Variants in KIF21B observed in about 807,000 individuals in gnomAD.
KIF21B encodes the protein kinesin family member 21B, also known as kinesin-like protein KIF21B.
Under a neutral mutation model 192.9 loss-of-function variants are expected in KIF21B, and 85 were observed. That is an observed-to-expected ratio of 0.44 (90% CI 0.37 to 0.53). The LOEUF (loss-of-function observed/expected upper bound fraction) is 0.53. Ranked by LOEUF, KIF21B falls within the 20% of genes least tolerant of loss-of-function variation. The probability of loss-of-function intolerance (pLI) is 0.00; values close to 1 mark genes in which losing one functional copy is unlikely to be tolerated. For missense variants in KIF21B, 1,716 were observed against 2,194.8 expected (o/e 0.78, Z 4.36); for synonymous variants, 832 against 884.6 (o/e 0.94, Z 1.05).
Position 200,999,457 on chromosome 1 carries a change from C to T in KIF21B, c.1777G>A (p.Glu593Lys), listed in dbSNP as rs1480060106. 4 of 1,613,840 alleles carry T rather than the reference C, an allele frequency of 2.5e-6. No individual in the cohort carries two copies. The highest frequency in any genetic ancestry group is 3.3e-5 in the Admixed American group (2 of 60,014). The change falls in exon 13 of 35, where the codon GAG becomes AAG. Residue 593 changes from glutamate to lysine, a missense_variant. Around this residue, in one of 3 missense-constraint regions of KIF21B, gnomAD observed 1,087 missense variants for 1,316.6 expected, o/e 0.83. Coordinates refer to ENST00000461742, the MANE Select transcript of KIF21B (RefSeq NM_001252102.2). The surrounding 1 kb of genome is among the most constrained non-coding windows in gnomAD (Gnocchi z 4.7). The part of the protein sequence containing the change: ...DENEAEEEEE[E>K]RDESGCEEEE... ...TCCTCACAGCCACTCTCGTCTCGCT[C>T]TTCCTCCTCCTGGGCACCAGGCACC...
intron 28 of KIF21B, among the ~76,000 whole-genome samples, chr1:200,981,445 C>T (rs555061497): frequency 6.6e-6 from 1 of 152,232 alleles, no homozygotes; most frequent in African/African-American, 2.4e-5. Flanking sequence ...GTGAATGCGC[C>T]CGGGTCCAGC....
chr1:201,004,529 A>G, intron 6 of KIF21B, 74 bp from the exon 7 acceptor site: 1 of 1,283,118 alleles, frequency 7.8e-7, no homozygotes, highest in Non-Finnish European at 1.1e-6. Flanking sequence ...AAAATCCCCA[A>G]CCCATCTGTA....
rs191677238 is a variant in KIF21B at position 200,970,701 on chromosome 1, G to A, written c.*2820C>T. The A allele has an allele frequency of 2.6e-5, 4 of 152,534 alleles. No homozygotes were observed. Among genetic ancestry groups the A allele is most frequent in the African/African-American group, 4.8e-5 (2 of 41,584 alleles). The allele number at this position is 152,534 out of a possible 1,614,324, so 9.4% of individuals were successfully genotyped here. A position where few individuals can be genotyped will look rare whatever the true frequency, so the allele number is the denominator to read the frequency against. Reference sequence around the variant, plus strand: ...GCTTCGAAAGCACAAAGTGGGGCTTGACCCAGGAGACTGGGAATCAGTCCA... The same window carrying A: ...GCTTCGAAAGCACAAAGTGGGGCTTAACCCAGGAGACTGGGAATCAGTCCA... On this transcript the variant is annotated 3_prime_UTR_variant, in exon 35 of 35. Transcript: ENST00000461742.
chr1:200,989,045 AT>A lies in KIF21B; in HGVS notation c.3133-115del. On this transcript the variant is annotated intron_variant, in intron 21 of 34. Coordinates refer to ENST00000461742, the MANE Select transcript of KIF21B (RefSeq NM_001252102.2). ...GGAGTGCTCCTTTCCAGCTCCCAAC[AT>A]CACCCTTGTACCTGGCACAGACCTG... 4 of 1,099,218 alleles carry A rather than the reference AT, an allele frequency of 3.6e-6. No homozygotes were observed. The South Asian group carries it at 4.9e-5, about 13-fold the overall frequency. 68.1% of individuals were successfully genotyped at this position (1,099,218 alleles called of 1,614,324 possible).
chr1:201,007,729 TACACAC>T (rs921104804), intron 3 of KIF21B, among the ~76,000 whole-genome samples: 1 of 123,334 alleles, frequency 8.1e-6, no homozygotes, highest in Non-Finnish European at 1.7e-5. Flanking sequence ...TAGACACACA[TACACAC>T]ACACACATAC....
At chr1:201,006,437 A>C (rs1274752404) in intron 3 of KIF21B, among the ~76,000 whole-genome samples, 1 of 152,208 alleles carries the variant, frequency 6.6e-6, no homozygotes, top group Non-Finnish European at 1.5e-5. Context: ...GGATGGGGGC[A>C]GCTAGGGCAG....
intron 1 of KIF21B, among the ~76,000 whole-genome samples, chr1:201,019,100 A>G (rs908926813): frequency 2.0e-5 from 3 of 151,986 alleles, no homozygotes; most frequent in African/African-American, 7.3e-5. Flanking sequence ...ATGTCCGTCT[A>G]ATTTTTGTAT....
At position 200,979,565 on chromosome 1, in the gene KIF21B, C is replaced by T. The variant is rs756919658; in HGVS notation, c.4130G>A (p.Arg1377Gln). Residue 1377 changes from arginine to glutamine, a missense_variant, in exon 30 of 35, where the codon CGG becomes CAG. Transcript: ENST00000461742. ...AGTCCGAATGCACTTGGCTGAGTCC[C>T]GGATGTCCCACACCTTGATGTAGGA... ...STSYIKVWDI[R>Q]DSAKCIRTLT... 5 of 1,575,310 alleles carry T rather than the reference C, an allele frequency of 3.2e-6. No individual in the cohort carries two copies. In the South Asian group the frequency reaches 4.7e-5, roughly 15 times the overall value.
intron 14 of KIF21B, among the ~76,000 whole-genome samples, chr1:200,997,011 C>G (rs886133738): frequency 3.9e-5 from 6 of 152,174 alleles, no homozygotes; most frequent in Admixed American, 2.0e-4. Context: ...AGCCTTCTGG[C>G]TCAACCTGAA....
intron 21 of KIF21B, among the ~76,000 whole-genome samples, chr1:200,989,700 G>A (rs1656549909): frequency 6.6e-6 from 1 of 152,204 alleles, no homozygotes; most frequent in Non-Finnish European, 1.5e-5. Context: ...TGTGTGCCAG[G>A]TGCCAGGCCA....
In KIF21B at chr1:200,999,544, G is replaced by T; in HGVS notation, c.1768-78C>A. The T allele has an allele frequency of 6.4e-7, 1 of 1,566,806 alleles. No individual in the cohort carries two copies. Among genetic ancestry groups the T allele is most frequent in the Non-Finnish European group, 8.6e-7 (1 of 1,156,866 alleles). On this transcript the variant is annotated intron_variant, in intron 12 of 34. Transcript: ENST00000461742. The surrounding 1 kb of genome is among the most constrained non-coding windows in gnomAD (Gnocchi z 4.7). ...AAGCAGAGGTGCATCCCGACACAAT[G>T]CCTCAGGTGTGTCAGGAGGGTGGGG...
rs541422356 is a variant in KIF21B, at chr1:200,971,137, G to A, written c.*2384C>T. The A allele has an allele frequency of 6.5e-6, 1 of 152,806 alleles. No homozygotes were observed. Among genetic ancestry groups the A allele is most frequent in the African/African-American group, 2.4e-5 (1 of 41,472 alleles). 9.5% of individuals were successfully genotyped at this position (152,806 alleles called of 1,614,324 possible). A position where few individuals can be genotyped will look rare whatever the true frequency, so the allele number is the denominator to read the frequency against. ...GTGCAGTGAGTGGAGCTGGGGGCCT[G>A]CCCCCTAACATGGACCTTGGACATC... On this transcript the variant is annotated 3_prime_UTR_variant, in exon 35 of 35. Coordinates refer to ENST00000461742, the MANE Select transcript of KIF21B (RefSeq NM_001252102.2).
rs1442726834 is a variant in KIF21B, at chr1:201,004,458, G to A, written c.901-3C>T. The A allele has an allele frequency of 1.9e-6, 3 of 1,564,618 alleles. No homozygotes were observed. Among genetic ancestry groups the A allele is most frequent in the Non-Finnish European group, 1.7e-6 (2 of 1,153,038 alleles). On this transcript the variant is annotated splice_polypyrimidine_tract_variant and splice_region_variant and intron_variant, in intron 6 of 34. Transcript: ENST00000461742. Reference sequence around the variant, plus strand: ...CTGATCACATTGCCCAAGGCCAGCTGTGGGAGACAGACCCTGGCACTCAGC... The same window carrying A: ...CTGATCACATTGCCCAAGGCCAGCTATGGGAGACAGACCCTGGCACTCAGC...
At chr1:200,974,117 C>G in intron 34 of KIF21B, 1 of 1,607,102 alleles carries the variant, frequency 6.2e-7, no homozygotes, top group Non-Finnish European at 8.5e-7. Context: ...GGTGGCGCGG[C>G]CCTTTATGGC....
In KIF21B at chr1:200,993,528, C is replaced by T. The variant is rs558102389; in HGVS notation, c.2278-1139G>A. On this transcript the variant is annotated intron_variant, in intron 15 of 34. Transcript: ENST00000461742. ...TTTGGAGGCTAAGGTGGAAGGAATG[C>T]TTGATTCTAGGAGTTCAAGATCAGC... 8.5e-5 allele frequency among the ~76,000 whole-genome samples: 13 copies of T among 152,200 alleles called. No homozygotes were observed. The South Asian group carries it at 2.7e-3, about 32-fold the overall frequency.
In KIF21B at chr1:200,982,238, C is replaced by T. The variant is rs1173125362; in HGVS notation, c.3842+818G>A. ...ACAGAACTATGTCAAAGGGATCATGCTCCCCCCGATGACAGCCTGGCCAGC... is the reference window on the plus strand; with the variant it reads ...ACAGAACTATGTCAAAGGGATCATGTTCCCCCCGATGACAGCCTGGCCAGC... On this transcript the variant is annotated intron_variant, in intron 28 of 34. Transcript: ENST00000461742. The surrounding 1 kb of genome is among the most constrained non-coding windows in gnomAD (Gnocchi z 4.7). Among the ~76,000 whole-genome samples, 1 of 152,206 alleles carries T rather than the reference C, an allele frequency of 6.6e-6. No individual in the cohort carries two copies. The highest frequency in any genetic ancestry group is 1.5e-5 in the Non-Finnish European group (1 of 68,038).
rs1348581247 is a variant in KIF21B at position 201,009,384 on chromosome 1, G to A, written c.146C>T (p.Thr49Ile). ...QVLLGKDKAFTYDFVFDLDTW... is the reference protein window; with the variant it reads ...QVLLGKDKAFIYDFVFDLDTW... ...GTCCAGGTCGAAGACAAAGTCATAG[G>A]TGAAGGCCTTGTCCTTCCCCAGCAG... Residue 49 changes from threonine (T) to isoleucine (I), a missense_variant, in exon 2 of 35, where the codon ACC becomes ATC. Physicochemically the swap from Thr to Ile is moderately conservative, Grantham distance 89. Coordinates refer to ENST00000461742, the MANE Select transcript of KIF21B (RefSeq NM_001252102.2). 1 of 1,614,266 alleles carries A rather than the reference G, an allele frequency of 6.2e-7. No homozygotes were observed. Among genetic ancestry groups the A allele is most frequent in the Non-Finnish European group, 8.5e-7 (1 of 1,180,044 alleles).
Position 200,979,713 on chromosome 1 carries a change from G to C in KIF21B, c.3982C>G (p.Arg1328Gly), listed in dbSNP as rs748553881. The change falls in exon 30 of 35, where the codon CGA becomes GGA. Residue 1328 changes from arginine (R) to glycine (G), a missense_variant and splice_region_variant. Around this residue, in one of 3 missense-constraint regions of KIF21B, gnomAD observed 580 missense variants for 775.5 expected, o/e 0.75. Coordinates refer to ENST00000461742, the MANE Select transcript of KIF21B (RefSeq NM_001252102.2). ...ACCAAGTTCCACATCTTGCAGCTTC[G>C]GTCTGTGAGAGATGGGAGGAAGCCA... The part of the protein sequence containing the change: ...DELLFTGSKD[R>G]SCKMWNLVTG... 1.3e-6 allele frequency: 2 copies of C among 1,514,364 alleles called. No homozygotes were observed. Among genetic ancestry groups the C allele is most frequent in the Non-Finnish European group, 1.8e-6 (2 of 1,126,620 alleles). The allele number at this position is 1,514,364 out of a possible 1,614,324, so 93.8% of individuals were successfully genotyped here.
At chr1:200,997,174 C>A (rs960191236) in intron 14 of KIF21B, among the ~76,000 whole-genome samples, 1 of 152,164 alleles carries the variant, frequency 6.6e-6, no homozygotes, top group Non-Finnish European at 1.5e-5. Context: ...TTTGGTATCA[C>A]GTAGCTCTCT....
Sources: allele counts gnomAD v4.1 joint callset (sites outside exome capture counted in the v4.1 genomes callset), GRCh38; gene constraint gnomAD v4.1.1; regional missense constraint gnomAD v4.1.1; non-coding constraint Gnocchi (gnomAD v3.1); transcripts MANE v1.5; gene names NCBI Gene and HGNC (gene_info 2026-07-23, HGNC 2026-07-21).